The following APBA1 variants were observed in gnomAD, a reference collection of about 807,000 sequenced individuals.
APBA1 encodes amyloid beta precursor protein binding family A member 1.
A neutral mutation model predicts 86.6 loss-of-function variants in APBA1; 55 were observed. That is an observed-to-expected ratio of 0.64 (90% confidence interval 0.51 to 0.80). The LOEUF is 0.80. Among genes scored for constraint, APBA1 ranks in the 30% least tolerant of loss-of-function variants. The pLI is 0.00. For missense variants in APBA1, 1,090 were observed against 1,183.0 expected, an observed-to-expected ratio of 0.92 and a Z score of 1.15; for synonymous variants, 511 against 493.9, an observed-to-expected ratio of 1.03 and a Z score of -0.46.
intron 11 of APBA1, among the ~76,000 whole-genome samples, chr9:69,436,285 T>G (rs377433187): frequency 7.0e-6 from 1 of 142,548 alleles, no homozygotes; most frequent in Admixed American, 7.0e-5. Flanking sequence ...TCCATATGAA[T>G]TTTAAAGTAG....
chr9:69,545,963 G>A (rs898823594), intron 1 of APBA1, among the ~76,000 whole-genome samples: 3 of 152,176 alleles, frequency 2.0e-5, no homozygotes, highest in Admixed American at 1.3e-4. Context: ...AGCTACTTCT[G>A]CTTTAGCTAG....
At chr9:69,560,742 G>A (rs1205444554) in intron 1 of APBA1, among the ~76,000 whole-genome samples, 1 of 152,116 alleles carries the variant, frequency 6.6e-6, no homozygotes, top group Non-Finnish European at 1.5e-5. Context: ...TAACAGTTGA[G>A]CATCCCTAAT....
At position 69,429,557 on chromosome 9, in the gene APBA1, A is replaced by G. The variant is rs1834552703; in HGVS notation, c.*1770T>C. On this transcript the variant is annotated 3_prime_UTR_variant, in exon 13 of 13. Transcript: ENST00000265381. ...GTAACACAGTGAAACTGAGAGTGCC[A>G]CTGCTCGTTCCTGTCAAGCACTGAG... 6.6e-6 allele frequency: 1 copy of G among 152,138 alleles called. No individual in the cohort carries two copies. The highest frequency in any genetic ancestry group is 1.5e-5 in the Non-Finnish European group (1 of 68,024). The allele number at this position is 152,138 out of a possible 1,614,324, so 9.4% of individuals were successfully genotyped here.
intron 1 of APBA1, among the ~76,000 whole-genome samples, chr9:69,619,610 A>C (rs1171360823): frequency 6.6e-6 from 1 of 152,196 alleles, no homozygotes; most frequent in Admixed American, 6.5e-5. Context: ...GCACACAAAA[A>C]ATCAGTTATT....
chr9:69,436,454 T>C (rs1834722050), intron 11 of APBA1, among the ~76,000 whole-genome samples: 1 of 152,054 alleles, frequency 6.6e-6, no homozygotes, highest in African/African-American at 2.4e-5. Context: ...CTTTATTTCC[T>C]TGAGCAGTGG....
chr9:69,446,329 A>G (rs567648145), intron 10 of APBA1, among the ~76,000 whole-genome samples: 1 of 152,136 alleles, frequency 6.6e-6, no homozygotes, highest in East Asian at 1.9e-4. Context: ...GGCAGGGAGG[A>G]AGTTCAGCTG....
At chr9:69,500,921 T>G (rs1835871577) in intron 2 of APBA1, among the ~76,000 whole-genome samples, 1 of 152,094 alleles carries the variant, frequency 6.6e-6, no homozygotes, top group Non-Finnish European at 1.5e-5. Context: ...ATGATCACAT[T>G]TATAGCCAAA....
At chr9:69,578,576 CG>C (rs1821852753) in intron 1 of APBA1, among the ~76,000 whole-genome samples, 1 of 152,162 alleles carries the variant, frequency 6.6e-6, no homozygotes. Flanking sequence ...TAAAAAATCA[CG>C]GTTTCTCAAA....
chr9:69,638,440 C>T (rs1823222508), intron 1 of APBA1, among the ~76,000 whole-genome samples: 1 of 152,124 alleles, frequency 6.6e-6, no homozygotes, highest in Non-Finnish European at 1.5e-5. Flanking sequence ...GGGGTTTCAC[C>T]ATGTTGGCCA....
At chr9:69,512,046 A>G (rs990842276) in intron 2 of APBA1, among the ~76,000 whole-genome samples, 5 of 151,892 alleles carry the variant, frequency 3.3e-5, no homozygotes, top group African/African-American at 1.2e-4. Flanking sequence ...CACAATGTGC[A>G]CATGTACCCT....
chr9:69,518,684 G>A (rs1007063618), intron 1 of APBA1, among the ~76,000 whole-genome samples: 3 of 152,124 alleles, frequency 2.0e-5, no homozygotes, highest in African/African-American at 7.2e-5. Flanking sequence ...TTGCTATTAT[G>A]TTCTTTTGGA....
At chr9:69,529,538 G>A (rs564694842) in intron 1 of APBA1, among the ~76,000 whole-genome samples, 5 of 152,048 alleles carry the variant, frequency 3.3e-5, no homozygotes, top group Admixed American at 6.6e-5. Flanking sequence ...TTCATTGGCC[G>A]TGTTGATCAG....
At chr9:69,511,584 G>A (rs12336804) in intron 2 of APBA1, among the ~76,000 whole-genome samples, 21,278 of 149,462 alleles carry the variant, frequency 0.14, 2,051 homozygotes, top group East Asian at 0.27. Context: ...TATATACCCA[G>A]AGGACTATAA....
chr9:69,511,839 C>T (rs917276413), intron 2 of APBA1, among the ~76,000 whole-genome samples: 11 of 151,414 alleles, frequency 7.3e-5, no homozygotes, highest in African/African-American at 2.2e-4. Context: ...AACCAAACAC[C>T]GCATATTCTC....
intron 1 of APBA1, among the ~76,000 whole-genome samples, chr9:69,543,315 T>A (rs905514684): frequency 2.7e-5 from 4 of 147,128 alleles, no homozygotes; most frequent in Admixed American, 6.8e-5. Flanking sequence ...CAGCCTGCAC[T>A]GCACTTGTGG....
chr9:69,451,350 A>G (rs1356204350), intron 9 of APBA1, among the ~76,000 whole-genome samples: 1 of 152,178 alleles, frequency 6.6e-6, no homozygotes, highest in African/African-American at 2.4e-5. Flanking sequence ...CTGACCTAAG[A>G]CACCTGACAG....
intron 1 of APBA1, among the ~76,000 whole-genome samples, chr9:69,549,920 C>G (rs1295676978): frequency 6.6e-6 from 1 of 152,104 alleles, no homozygotes; most frequent in Non-Finnish European, 1.5e-5. Context: ...GCTTTCGATC[C>G]TAAAGATATG....
chr9:69,566,406 T>C (rs1330199226), intron 1 of APBA1, among the ~76,000 whole-genome samples: 1 of 152,176 alleles, frequency 6.6e-6, no homozygotes, highest in Admixed American at 6.5e-5. Context: ...CTTGAAGGCA[T>C]GTACTGGGTC....
chr9:69,541,019 A>G (rs1348973099), intron 1 of APBA1, among the ~76,000 whole-genome samples: 1 of 152,236 alleles, frequency 6.6e-6, no homozygotes, highest in African/African-American at 2.4e-5. Context: ...CACGTATCAC[A>G]GGATTTCCTT....
Sources: allele counts gnomAD v4.1 joint callset (sites outside exome capture counted in the v4.1 genomes callset), GRCh38; gene constraint gnomAD v4.1.1; transcripts MANE v1.5; gene names NCBI Gene and HGNC (gene_info 2026-07-23, HGNC 2026-07-21).